The following DLG1 variants were observed in gnomAD, a reference collection of about 807,000 sequenced individuals.
DLG1 encodes the protein discs large MAGUK scaffold protein 1.
In DLG1, 42 loss-of-function variants were observed where a neutral mutation model predicts 123.4. The observed-to-expected ratio is 0.34, with a 90% CI of 0.27 to 0.44. The LOEUF (loss-of-function observed/expected upper bound fraction) is 0.44, where lower values mean the gene tolerates loss of function less well. DLG1 is among the 20% of genes least tolerant of loss of function. DLG1 has a pLI of 1.00. For synonymous variants in DLG1, 317 were observed against 356.2 expected (o/e 0.89, Z 1.24); for missense variants, 942 against 1,082.6 (o/e 0.87, Z 1.82).
At chr3:197,085,824 G>A in intron 15 of DLG1, 68 bp from the exon 16 acceptor site, 1 of 1,436,152 alleles carries the variant, frequency 7.0e-7, no homozygotes, top group Non-Finnish European at 9.5e-7. Flanking sequence ...ATAGGGTTCT[G>A]AAAGTATATG....
chr3:197,219,494 T>G (rs530410749), intron 4 of DLG1, among the ~76,000 whole-genome samples: 1 of 152,220 alleles, frequency 6.6e-6, no homozygotes, highest in African/African-American at 2.4e-5. Context: ...CTCTTTCACA[T>G]GCTTGTCAAC....
In DLG1 at chr3:197,244,387, T is replaced by C. The variant is rs144371344; in HGVS notation, c.318+38292A>G. On this transcript the variant is annotated intron_variant, in intron 4 of 24. Transcript: ENST00000667157. ...CTTTGGCCTGCTGTGCGCACAAGCA[T>C]AGCAATCATTTTTGTTTAGAGTGCA... is the stretch of plus-strand genomic sequence containing the variant. Among the ~76,000 whole-genome samples, 825 of 152,292 alleles carry C rather than the reference T, an allele frequency of 5.4e-3. 6 individuals are homozygous for C. The highest frequency in any genetic ancestry group is 0.019 in the African/African-American group (791 of 41,558).
chr3:197,183,636 G>A, intron 5 of DLG1: 1 of 1,550,528 alleles, frequency 6.4e-7, no homozygotes, highest in Non-Finnish European at 8.7e-7. Flanking sequence ...AGTGAAAAAT[G>A]CAACTATCTG....
At chr3:197,158,389 G>A (rs565259385) in intron 5 of DLG1, among the ~76,000 whole-genome samples, 7 of 151,128 alleles carry the variant, frequency 4.6e-5, no homozygotes, top group South Asian at 2.1e-4. Flanking sequence ...TTGGGAGGCC[G>A]AGGCAGGCGG....
chr3:197,275,292 C>G (rs754303807), intron 4 of DLG1, among the ~76,000 whole-genome samples: 1 of 152,026 alleles, frequency 6.6e-6, no homozygotes, highest in Admixed American at 6.6e-5. Context: ...GAAAGGGACA[C>G]TCTGGTACAC....
chr3:197,114,587 T>G (rs577289762), intron 13 of DLG1, among the ~76,000 whole-genome samples: 2 of 152,372 alleles, frequency 1.3e-5, no homozygotes, highest in East Asian at 3.9e-4. Context: ...ATCAAGGGCT[T>G]GCACACTAAG....
intron 22 of DLG1, among the ~76,000 whole-genome samples, chr3:197,062,200 G>A (rs1234403207): frequency 1.3e-5 from 2 of 152,102 alleles, no homozygotes; most frequent in African/African-American, 4.8e-5. Flanking sequence ...TCATACCTTA[G>A]CCCAGATTAC....
chr3:197,251,668 A>T (rs959269505), intron 4 of DLG1, among the ~76,000 whole-genome samples: 1 of 152,192 alleles, frequency 6.6e-6, no homozygotes, highest in Non-Finnish European at 1.5e-5. Context: ...GACAAATGAG[A>T]TTACATCAAG....
chr3:197,181,293 T>C (rs1711675734), intron 5 of DLG1, among the ~76,000 whole-genome samples: 1 of 152,228 alleles, frequency 6.6e-6, no homozygotes, highest in Non-Finnish European at 1.5e-5. Context: ...CTTAGTCATA[T>C]GGAATTAGAT....
intron 5 of DLG1, among the ~76,000 whole-genome samples, chr3:197,181,155 A>G (rs1342158104): frequency 6.6e-6 from 1 of 152,060 alleles, no homozygotes; most frequent in African/African-American, 2.4e-5. Context: ...TGTATTGTGT[A>G]TATTTGGGGG....
chr3:197,221,566 A>G (rs1737072880), intron 4 of DLG1, among the ~76,000 whole-genome samples: 1 of 152,090 alleles, frequency 6.6e-6, no homozygotes, highest in African/African-American at 2.4e-5. Flanking sequence ...AACAGGAAGC[A>G]AACACTCAAT....
At chr3:197,230,166 G>A (rs1363405416) in intron 4 of DLG1, among the ~76,000 whole-genome samples, 1 of 152,010 alleles carries the variant, frequency 6.6e-6, no homozygotes, top group Non-Finnish European at 1.5e-5. Flanking sequence ...TCTCAGTACT[G>A]TATAACAAAA....
chr3:197,088,408 C>A (rs1002787720), intron 15 of DLG1, among the ~76,000 whole-genome samples: 35 of 152,172 alleles, frequency 2.3e-4, no homozygotes, highest in Non-Finnish European at 4.4e-5. Context: ...TTCCCTCCCC[C>A]ACATTCCAAA....
intron 1 of DLG1, 187 bp from the exon 2 acceptor site, chr3:197,297,422 T>A (rs898571026): frequency 7.1e-7 from 1 of 1,413,832 alleles, no homozygotes; most frequent in Non-Finnish European, 9.2e-7. Context: ...TTGGAGTGGG[T>A]ACCCCTCCAA....
At chr3:197,189,266 G>A (rs1414669961) in intron 5 of DLG1, among the ~76,000 whole-genome samples, 1 of 152,066 alleles carries the variant, frequency 6.6e-6, no homozygotes, top group Non-Finnish European at 1.5e-5. Flanking sequence ...GAGCTGACAT[G>A]GTCATCAAAT....
At chr3:197,053,327 T>C (rs531495102) in intron 23 of DLG1, among the ~76,000 whole-genome samples, 2 of 152,352 alleles carry the variant, frequency 1.3e-5, no homozygotes, top group African/African-American at 2.4e-5. Flanking sequence ...ATAAACTCTT[T>C]CAGTTTTAAT....
At chr3:197,171,310 G>GT (rs1190785141) in intron 5 of DLG1, among the ~76,000 whole-genome samples, 2 of 152,088 alleles carry the variant, frequency 1.3e-5, no homozygotes, top group East Asian at 1.9e-4. Flanking sequence ...GTTTAAATCT[G>GT]TTTTTTTATT....
rs186684508 is a variant in DLG1 at position 197,107,051 on chromosome 3, C to T, written c.1444-2046G>A. On this transcript the variant is annotated intron_variant, in intron 13 of 24. Transcript: ENST00000667157. ...GTCTCCTCTCCATCCCTGGCAACTA[C>T]GAAGCTACTTTCTGACCATACTGTA... Among the ~76,000 whole-genome samples, 245 of 152,300 alleles carry T rather than the reference C, an allele frequency of 1.6e-3. 1 individual carries two copies. The highest frequency in any genetic ancestry group is 3.5e-3 in the South Asian group (17 of 4,830).
chr3:197,230,685 G>A (rs1335818405), intron 4 of DLG1, among the ~76,000 whole-genome samples: 1 of 152,056 alleles, frequency 6.6e-6, no homozygotes, highest in South Asian at 2.1e-4. Context: ...AAAACATCAT[G>A]GTAAATCTAT....
Sources: gnomAD v4.1 joint callset for allele counts (sites outside exome capture counted in the v4.1 genomes callset) on GRCh38, gnomAD v4.1.1 for gene constraint, MANE v1.5 for transcripts, NCBI Gene and HGNC (gene_info 2026-07-23, HGNC 2026-07-21) for gene names.